RAP1GDS1: variants seen among roughly 807,000 people sequenced by gnomAD.
RAP1GDS1 encodes the protein RAP1, GTP-GDP dissociation stimulator 1.
RAP1GDS1 carries 35 observed loss-of-function variants against 71.1 expected under a neutral mutation model. That is an observed-to-expected ratio of 0.49 (90% CI 0.38 to 0.65). The LOEUF (loss-of-function observed/expected upper bound fraction) is 0.65, where lower values mean the gene tolerates loss of function less well. Ranked by LOEUF, RAP1GDS1 falls within the 30% of genes least tolerant of loss-of-function variation. The pLI, the probability that RAP1GDS1 is intolerant of heterozygous loss-of-function variation, is 0.00. For synonymous variants in RAP1GDS1, 229 were observed against 243.1 expected, an observed-to-expected ratio of 0.94 and a Z score of 0.54; for missense variants, 663 against 706.1, an observed-to-expected ratio of 0.94 and a Z score of 0.69.
At chr4:98,274,892 C>T (rs1483425613) in intron 1 of RAP1GDS1, among the ~76,000 whole-genome samples, 6 of 152,210 alleles carry the variant, frequency 3.9e-5, no homozygotes, top group Admixed American at 3.3e-4. Context: ...AAAGGTTAAA[C>T]AAGTTTATTT....
intron 7 of RAP1GDS1, among the ~76,000 whole-genome samples, chr4:98,406,472 C>T (rs1266096073): frequency 2.0e-5 from 3 of 151,604 alleles, no homozygotes; most frequent in Non-Finnish European, 4.4e-5. Flanking sequence ...ATAAAAGGTC[C>T]AATTTACCTA....
rs184194981 is a variant in RAP1GDS1 at position 98,368,268 on chromosome 4, C to T, written c.362-10749C>T. On this transcript the variant is annotated intron_variant, in intron 4 of 14. Transcript: ENST00000408927. ...TGCCATGATTGTGAGGCTTCCCCTGCCATGCGGAACTATAAGACCAATTAA... is the reference window on the plus strand; with the variant it reads ...TGCCATGATTGTGAGGCTTCCCCTGTCATGCGGAACTATAAGACCAATTAA... Among the ~76,000 whole-genome samples the T allele has an allele frequency of 5.5e-3, 839 of 152,238 alleles. 4 individuals carry two copies. The highest frequency in any genetic ancestry group is 8.6e-3 in the Non-Finnish European group (586 of 68,030).
intron 4 of RAP1GDS1, among the ~76,000 whole-genome samples, chr4:98,377,290 G>T (rs1401782502): frequency 6.6e-6 from 1 of 151,854 alleles, no homozygotes; most frequent in Non-Finnish European, 1.5e-5. Flanking sequence ...ATTTAGATTT[G>T]TAATCCTAAT....
chr4:98,389,474 T>G (rs1743276113), intron 5 of RAP1GDS1, among the ~76,000 whole-genome samples: 1 of 152,188 alleles, frequency 6.6e-6, no homozygotes. Context: ...CACAGTGAGT[T>G]CATCCAACTG....
intron 2 of RAP1GDS1, among the ~76,000 whole-genome samples, chr4:98,312,532 C>G (rs546361896): frequency 2.0e-5 from 3 of 152,172 alleles, no homozygotes; most frequent in Non-Finnish European, 4.4e-5. Flanking sequence ...GATTGTAGGG[C>G]AGAGGTTGAT....
chr4:98,360,648 AT>A (rs1738604471), intron 4 of RAP1GDS1, among the ~76,000 whole-genome samples: 1 of 152,086 alleles, frequency 6.6e-6, no homozygotes, highest in Non-Finnish European at 1.5e-5. Flanking sequence ...CATTTTTAAA[AT>A]TTTCTTATTT....
At chr4:98,284,802 G>T (rs1287844080) in intron 1 of RAP1GDS1, among the ~76,000 whole-genome samples, 1 of 152,150 alleles carries the variant, frequency 6.6e-6, no homozygotes, top group African/African-American at 2.4e-5. Flanking sequence ...AGGAAGCTAA[G>T]CCTTGTAGAA....
At chr4:98,405,881 A>G (rs1340715241) in intron 7 of RAP1GDS1, among the ~76,000 whole-genome samples, 2 of 152,056 alleles carry the variant, frequency 1.3e-5, no homozygotes, top group Non-Finnish European at 2.9e-5. Flanking sequence ...TATCAAAAAA[A>G]TAACTTATTG....
rs982240450 is a variant in RAP1GDS1 at position 98,418,644 on chromosome 4, T to G, written c.1040-13T>G. 18 of 1,505,684 alleles carry G rather than the reference T, an allele frequency of 1.2e-5. No individual in the cohort carries two copies. Among genetic ancestry groups the G allele is most frequent in the East Asian group, 2.3e-5 (1 of 42,610 alleles). 93.3% of individuals were successfully genotyped at this position (1,505,684 alleles called of 1,614,324 possible). On this transcript the variant is annotated splice_polypyrimidine_tract_variant and intron_variant, in intron 9 of 14. Transcript: ENST00000408927. ...TTAAAGAGGAAGAAAAAGATGTGTG[T>G]TTTTTTTTTCAGATGCAAATTGTAT...
intron 2 of RAP1GDS1, among the ~76,000 whole-genome samples, chr4:98,337,288 A>C (rs1174449065): frequency 2.6e-5 from 4 of 152,232 alleles, no homozygotes; most frequent in Non-Finnish European, 5.9e-5. Flanking sequence ...AAAATACTAT[A>C]CATCTCTTTC....
chr4:98,280,944 C>G (rs1426000061), intron 1 of RAP1GDS1, among the ~76,000 whole-genome samples: 2 of 151,030 alleles, frequency 1.3e-5, no homozygotes, highest in Non-Finnish European at 2.9e-5. Context: ...ATTTCTGAGG[C>G]CTCTGTTCTG....
At chr4:98,416,646 G>A (rs1173246631) in intron 7 of RAP1GDS1, 99 bp from the exon 8 acceptor site, 2 of 1,174,448 alleles carry the variant, frequency 1.7e-6, no homozygotes, top group East Asian at 2.6e-5. Flanking sequence ...CACCGCACCT[G>A]GCCCTCTTAG....
chr4:98,433,758 T>C (rs1750774811), intron 12 of RAP1GDS1, among the ~76,000 whole-genome samples, 178 bp from the exon 13 acceptor site: 1 of 152,212 alleles, frequency 6.6e-6, no homozygotes, highest in South Asian at 2.1e-4. Context: ...TTTTGATGAA[T>C]GTATTTAAAG....
At chr4:98,327,175 A>G (rs150841932) in intron 2 of RAP1GDS1, among the ~76,000 whole-genome samples, 301 of 152,298 alleles carry the variant, frequency 2.0e-3, no homozygotes, top group African/African-American at 7.1e-3. Flanking sequence ...AAGTACAGTA[A>G]GCATATTGTT....
intron 2 of RAP1GDS1, among the ~76,000 whole-genome samples, chr4:98,313,328 T>C (rs1730532520): frequency 6.6e-6 from 1 of 152,156 alleles, no homozygotes; most frequent in Non-Finnish European, 1.5e-5. Flanking sequence ...ACCTACTGAT[T>C]TAAATGTTCA....
chr4:98,335,613 TTA>T (rs1734606028), intron 2 of RAP1GDS1, among the ~76,000 whole-genome samples: 2 of 152,074 alleles, frequency 1.3e-5, no homozygotes, highest in South Asian at 2.1e-4. Context: ...TTAAAAAAAC[TTA>T]TCTTTGAATG....
At chr4:98,337,443 G>T (rs540888742) in intron 2 of RAP1GDS1, among the ~76,000 whole-genome samples, 5 of 152,280 alleles carry the variant, frequency 3.3e-5, no homozygotes, top group Non-Finnish European at 7.4e-5. Context: ...AAGAGCTTTG[G>T]AGAAGAAATC....
chr4:98,325,881 C>T (rs545906018), intron 2 of RAP1GDS1, among the ~76,000 whole-genome samples: 7 of 148,698 alleles, frequency 4.7e-5, no homozygotes, highest in East Asian at 2.0e-4. Flanking sequence ...ATGTAACTAA[C>T]GTGCACAATA....
chr4:98,312,977 G>A (rs1292485475), intron 2 of RAP1GDS1, among the ~76,000 whole-genome samples: 1 of 147,604 alleles, frequency 6.8e-6, no homozygotes, highest in Non-Finnish European at 1.5e-5. Context: ...ACTGAGGCAG[G>A]AGAATGGCAT....
Sources: allele counts gnomAD v4.1 joint callset (sites outside exome capture counted in the v4.1 genomes callset), GRCh38; gene constraint gnomAD v4.1.1; transcripts MANE v1.5; gene names NCBI Gene and HGNC (gene_info 2026-07-23, HGNC 2026-07-21).